Variants in CSMD1 observed in about 807,000 individuals in gnomAD.
CSMD1 encodes the protein CUB and sushi domain-containing protein 1.
Under a neutral mutation model 417.5 loss-of-function variants are expected in CSMD1, and 213 were observed. The observed-to-expected ratio is 0.51, with a 90% CI of 0.46 to 0.57. The LOEUF is 0.57. Ranked by LOEUF, CSMD1 falls within the 20% of genes least tolerant of loss-of-function variation. CSMD1 has a pLI of 0.00. For synonymous variants in CSMD1, 2,862 were observed against 1,736.8 expected (o/e 1.65, Z -16.11); for missense variants, 6,923 against 4,529.7 (o/e 1.53, Z -15.17).
intron 3 of CSMD1, among the ~76,000 whole-genome samples, chr8:4,322,382 G>A (rs1232452054): frequency 6.6e-6 from 1 of 152,090 alleles, no homozygotes; most frequent in Non-Finnish European, 1.5e-5. Flanking sequence ...AATTCCCCCA[G>A]TTGGCAAAAG....
intron 12 of CSMD1, among the ~76,000 whole-genome samples, chr8:3,462,386 C>T (rs969003465): frequency 6.6e-6 from 1 of 152,190 alleles, no homozygotes; most frequent in Admixed American, 6.5e-5. Flanking sequence ...CTGGGCCACA[C>T]AGCAGGAGGT....
At chr8:3,066,023 A>G (rs765318104) in intron 49 of CSMD1, among the ~76,000 whole-genome samples, 1 of 152,202 alleles carries the variant, frequency 6.6e-6, no homozygotes, top group Non-Finnish European at 1.5e-5. Flanking sequence ...AAAATTCATA[A>G]TAATGGGCCA....
At chr8:4,092,848 G>C (rs1800791948) in intron 3 of CSMD1, among the ~76,000 whole-genome samples, 1 of 152,038 alleles carries the variant, frequency 6.6e-6, no homozygotes, top group South Asian at 2.1e-4. Flanking sequence ...TTTGCTGGTT[G>C]AATAATCATT....
chr8:2,956,276 A>T (rs1803002217), intron 63 of CSMD1, among the ~76,000 whole-genome samples: 2 of 152,186 alleles, frequency 1.3e-5, no homozygotes, highest in Admixed American at 6.5e-5. Context: ...ATGTGTATTT[A>T]GAAACTTAAT....
intron 2 of CSMD1, among the ~76,000 whole-genome samples, chr8:4,551,984 G>C (rs1235592267): frequency 6.6e-6 from 1 of 151,784 alleles, no homozygotes; most frequent in South Asian, 2.1e-4. Context: ...ACTGCTCCTA[G>C]CTGGTCACAT....
intron 15 of CSMD1, among the ~76,000 whole-genome samples, chr8:3,401,559 A>G (rs1812039734): frequency 6.6e-6 from 1 of 152,324 alleles, no homozygotes; most frequent in Admixed American, 6.5e-5. Flanking sequence ...ATAAGTTTGT[A>G]TTAGTCAGTT....
At chr8:3,255,348 C>T (rs1800573166) in intron 26 of CSMD1, among the ~76,000 whole-genome samples, 1 of 152,178 alleles carries the variant, frequency 6.6e-6, no homozygotes, top group Non-Finnish European at 1.5e-5. Flanking sequence ...TCTGTCCATT[C>T]TCAGATCTCA....
At position 3,465,373 on chromosome 8, in the gene CSMD1, G is replaced by C. The variant is rs189026079; in HGVS notation, c.1561+3339C>G. On this transcript the variant is annotated intron_variant, in intron 12 of 69. Coordinates refer to ENST00000635120, the MANE Select transcript of CSMD1 (RefSeq NM_033225.6). Reference sequence around the variant, plus strand: ...TGGGGAGTTAGAGACAGCACAAATGGAGAAATCTCACATATGCCCAAGCCT... The same window carrying C: ...TGGGGAGTTAGAGACAGCACAAATGCAGAAATCTCACATATGCCCAAGCCT... 2.4e-3 allele frequency among the ~76,000 whole-genome samples: 367 copies of C among 152,248 alleles called. 2 individuals carry two copies. Among genetic ancestry groups the C allele is most frequent in the Non-Finnish European group, 3.4e-3 (228 of 68,024 alleles).
intron 3 of CSMD1, among the ~76,000 whole-genome samples, chr8:4,220,212 G>C (rs891657140): frequency 3.9e-5 from 6 of 152,088 alleles, no homozygotes; most frequent in Admixed American, 2.6e-4. Context: ...TCGCCTCTCA[G>C]AGTGCCGGGA....
chr8:4,050,936 C>T (rs1183314095), intron 3 of CSMD1, among the ~76,000 whole-genome samples: 2 of 152,010 alleles, frequency 1.3e-5, no homozygotes, highest in Admixed American at 6.6e-5. Flanking sequence ...ATATTCCCAT[C>T]CATGATAAGG....
chr8:3,591,819 G>A (rs1462563511), intron 8 of CSMD1, among the ~76,000 whole-genome samples: 2 of 152,210 alleles, frequency 1.3e-5, no homozygotes, highest in East Asian at 1.9e-4. Context: ...ATAGACAGTG[G>A]ATGGATAGAT....
chr8:4,719,825 A>G (rs561036898), intron 1 of CSMD1, among the ~76,000 whole-genome samples: 2 of 152,314 alleles, frequency 1.3e-5, no homozygotes, highest in East Asian at 3.9e-4. Context: ...ACTTTCATAA[A>G]TAAAATTTTA....
chr8:3,788,897 C>T (rs957280705), intron 5 of CSMD1, among the ~76,000 whole-genome samples: 2 of 152,138 alleles, frequency 1.3e-5, no homozygotes, highest in Non-Finnish European at 2.9e-5. Context: ...AACACAGGCT[C>T]AGAGGAGGAA....
chr8:3,639,702 A>G (rs915693640), intron 7 of CSMD1, among the ~76,000 whole-genome samples: 5 of 152,250 alleles, frequency 3.3e-5, no homozygotes, highest in Non-Finnish European at 5.9e-5. Flanking sequence ...CTACGTAAAC[A>G]TCAACATCTT....
chr8:4,691,562 T>C (rs370034817), intron 1 of CSMD1, among the ~76,000 whole-genome samples: 6 of 152,222 alleles, frequency 3.9e-5, no homozygotes, highest in African/African-American at 1.4e-4. Context: ...CCATTTGTTA[T>C]GTTATCTTGG....
chr8:3,667,556 G>C (rs1287458215), intron 7 of CSMD1, among the ~76,000 whole-genome samples: 1 of 152,148 alleles, frequency 6.6e-6, no homozygotes, highest in Non-Finnish European at 1.5e-5. Flanking sequence ...TGAGGACTAG[G>C]CTGAGAAAGT....
At position 4,215,448 on chromosome 8, in the gene CSMD1, C is replaced by G. The variant is rs1257253693; in HGVS notation, c.416-183349G>C. On this transcript the variant is annotated intron_variant, in intron 3 of 69. Coordinates refer to ENST00000635120, the MANE Select transcript of CSMD1 (RefSeq NM_033225.6). Reference sequence around the variant, plus strand: ...AGTAACACAAAAGACTCAATGCTTCCTGAATATTTTACACTGAGAAAAGAA... The same window carrying G: ...AGTAACACAAAAGACTCAATGCTTCGTGAATATTTTACACTGAGAAAAGAA... Among the ~76,000 whole-genome samples, 3 of 151,920 alleles carry G rather than the reference C, an allele frequency of 2.0e-5. No homozygotes were observed. The East Asian group carries it at 5.8e-4, about 29-fold the overall frequency.
intron 5 of CSMD1, among the ~76,000 whole-genome samples, chr8:3,891,619 G>A (rs1806979602): frequency 1.3e-5 from 2 of 151,932 alleles, no homozygotes; most frequent in African/African-American, 2.4e-5. Context: ...GGAGGTCCAG[G>A]CTTCAGTGAG....
At chr8:4,543,710 A>T (rs909527931) in intron 2 of CSMD1, among the ~76,000 whole-genome samples, 1 of 146,924 alleles carries the variant, frequency 6.8e-6, no homozygotes, top group African/African-American at 2.5e-5. Context: ...ACCCACACCA[A>T]AGTGTCTTCC....
Sources: allele counts gnomAD v4.1 joint callset (sites outside exome capture counted in the v4.1 genomes callset), GRCh38; gene constraint gnomAD v4.1.1; transcripts MANE v1.5; gene names NCBI Gene and HGNC (gene_info 2026-07-23, HGNC 2026-07-21).